The following FRAS1 variants were observed in gnomAD, a reference collection of about 807,000 sequenced individuals.
The protein encoded by FRAS1 is Fraser extracellular matrix complex subunit 1.
A neutral mutation model predicts 435.2 loss-of-function variants in FRAS1; 290 were observed. The observed-to-expected ratio is 0.67, with a 90% CI of 0.61 to 0.73. The LOEUF (loss-of-function observed/expected upper bound fraction) is 0.73. Ranked by LOEUF, FRAS1 falls within the 30% of genes least tolerant of loss-of-function variation. The probability of loss-of-function intolerance (pLI) is 0.00; values close to 1 mark genes in which losing one functional copy is unlikely to be tolerated. For synonymous variants in FRAS1, 1,800 were observed against 1,851.0 expected, an observed-to-expected ratio of 0.97 and a Z score of 0.71; for missense variants, 4,860 against 5,001.5, an observed-to-expected ratio of 0.97 and a Z score of 0.85.
At chr4:78,203,643 T>G (rs950072320) in intron 2 of FRAS1, among the ~76,000 whole-genome samples, 1 of 152,186 alleles carries the variant, frequency 6.6e-6, no homozygotes, top group Non-Finnish European at 1.5e-5. Flanking sequence ...CTCAGCTCAC[T>G]GCAACCTCCA....
intron 29 of FRAS1, among the ~76,000 whole-genome samples, chr4:78,397,681 T>C (rs1732726823): frequency 1.3e-5 from 2 of 152,230 alleles, no homozygotes; most frequent in African/African-American, 4.8e-5. Context: ...ATGGTTACTG[T>C]AAGCCTCTGC....
At chr4:78,247,651 TTTTG>T (rs572382086) in intron 4 of FRAS1, among the ~76,000 whole-genome samples, 36 of 152,078 alleles carry the variant, frequency 2.4e-4, no homozygotes, top group Non-Finnish European at 4.1e-4. Flanking sequence ...GCATCACTAG[TTTTG>T]TTTGTTTATT....
intron 36 of FRAS1, 39 bp from the exon 37 acceptor site, chr4:78,430,253 C>T (rs1488884330): frequency 7.4e-6 from 12 of 1,612,668 alleles, no homozygotes; most frequent in Admixed American, 3.3e-5. Context: ...CTTTAACATA[C>T]GCTTTCTCTC....
At chr4:78,207,909 T>A (rs1723330440) in intron 2 of FRAS1, among the ~76,000 whole-genome samples, 1 of 152,142 alleles carries the variant, frequency 6.6e-6, no homozygotes, top group Non-Finnish European at 1.5e-5. Context: ...AGGACTAGAT[T>A]GCAGCTCCCA....
intron 42 of FRAS1, chr4:78,445,917 C>T: frequency 7.5e-7 from 1 of 1,326,454 alleles, no homozygotes; most frequent in East Asian, 2.7e-5. Context: ...TCTAAATTTC[C>T]ATTTCAGGAT....
At chr4:78,381,894 AAAAT>A (rs1479572286) in intron 27 of FRAS1, among the ~76,000 whole-genome samples, 8 of 20,752 alleles carry the variant, frequency 3.9e-4, no homozygotes, top group East Asian at 1.8e-3. Flanking sequence ...AGGTATAATA[AAAAT>A]TCAGCAAAAG....
chr4:78,387,369 C>A lies in FRAS1; in HGVS notation c.3649-6C>A, dbSNP rs761698222. On this transcript the variant is annotated splice_region_variant and splice_polypyrimidine_tract_variant and intron_variant, in intron 28 of 73. Transcript: ENST00000512123. ...TAACTGACTCTTCTTCCCTTCAACT[C>A]CACAGGCCCCCTATGTGCTGAGAAA... 3.1e-6 allele frequency: 5 copies of A among 1,592,976 alleles called. No homozygotes were observed. In the South Asian group the frequency reaches 5.7e-5, roughly 18 times the overall value.
chr4:78,502,061 C>T (rs559253937), intron 61 of FRAS1, among the ~76,000 whole-genome samples: 17 of 152,186 alleles, frequency 1.1e-4, no homozygotes, highest in African/African-American at 3.4e-4. Flanking sequence ...GCCTCTGTTC[C>T]GTTCCATGGG....
intron 42 of FRAS1, chr4:78,446,428 G>A: frequency 8.7e-7 from 1 of 1,144,112 alleles, no homozygotes; most frequent in Non-Finnish European, 1.1e-6. Context: ...GTTAATACTT[G>A]TACTTGTCAA....
chr4:78,205,118 G>A (rs529802777), intron 2 of FRAS1, among the ~76,000 whole-genome samples: 4 of 151,884 alleles, frequency 2.6e-5, no homozygotes, highest in South Asian at 4.2e-4. Flanking sequence ...GGGGTGGAGC[G>A]CCACTGAAAA....
chr4:78,379,591 A>G (rs1731927345), intron 26 of FRAS1, 135 bp from the exon 27 acceptor site: 1 of 841,188 alleles, frequency 1.2e-6, no homozygotes, highest in Admixed American at 2.8e-5. Context: ...AGTGAAATCA[A>G]CTCTGTTTCT....
At chr4:78,445,785 T>C (rs1345704863) in intron 42 of FRAS1, 73 bp downstream of exon 42, 3 of 1,514,974 alleles carry the variant, frequency 2.0e-6, no homozygotes, top group East Asian at 2.4e-5. Context: ...GCTTTCTTTA[T>C]AGGGACTCAA....
At chr4:78,076,344 G>C (rs1032694558) in intron 2 of FRAS1, among the ~76,000 whole-genome samples, 2 of 152,084 alleles carry the variant, frequency 1.3e-5, no homozygotes, top group African/African-American at 4.8e-5. Context: ...TGTTCATAAT[G>C]ATCCTCCCCA....
At chr4:78,075,553 C>A (rs1335213319) in intron 2 of FRAS1, among the ~76,000 whole-genome samples, 1 of 152,088 alleles carries the variant, frequency 6.6e-6, no homozygotes, top group Non-Finnish European at 1.5e-5. Context: ...AGGGCAGCAC[C>A]ATGGTGAAGT....
At chr4:78,292,919 C>A (rs1362348906) in intron 14 of FRAS1, among the ~76,000 whole-genome samples, 2 of 152,208 alleles carry the variant, frequency 1.3e-5, no homozygotes, top group African/African-American at 4.8e-5. Context: ...TGGCATTCTA[C>A]AGCAATTATG....
In FRAS1 at chr4:78,315,471, G is replaced by T. The variant is rs1465165116; in HGVS notation, c.1679-123G>T. The T allele has an allele frequency of 3.9e-6, 4 of 1,014,780 alleles. No individual in the cohort carries two copies. The African/African-American group carries it at 6.6e-5, about 17-fold the overall frequency. 62.9% of individuals were successfully genotyped at this position (1,014,780 alleles called of 1,614,324 possible). On this transcript the variant is annotated intron_variant, in intron 15 of 73. Coordinates refer to ENST00000512123, the MANE Select transcript of FRAS1 (RefSeq NM_025074.7). ...GTTGGAATCAAGGAAACAGAATTTT[G>T]CTGAGCAGCCAGAAAATGAGATTAT...
chr4:78,307,551 C>G (rs1472950338), intron 14 of FRAS1, among the ~76,000 whole-genome samples: 1 of 152,258 alleles, frequency 6.6e-6, no homozygotes, highest in Non-Finnish European at 1.5e-5. Context: ...CGGATTTAAT[C>G]TCCTGGTGCG....
At chr4:78,400,112 G>A (rs1485568127) in intron 29 of FRAS1, among the ~76,000 whole-genome samples, 3 of 152,102 alleles carry the variant, frequency 2.0e-5, no homozygotes, top group Non-Finnish European at 4.4e-5. Flanking sequence ...CACTTAAGCT[G>A]GGCCCTCTGT....
At chr4:78,379,685 A>G in intron 26 of FRAS1, 41 bp from the exon 27 acceptor site, 1 of 1,575,902 alleles carries the variant, frequency 6.3e-7, no homozygotes, top group Non-Finnish European at 8.6e-7. Context: ...TAATTAGTGA[A>G]GGTACCATAA....
Sources: gnomAD v4.1 joint callset for allele counts (sites outside exome capture counted in the v4.1 genomes callset) on GRCh38, gnomAD v4.1.1 for gene constraint, MANE v1.5 for transcripts, NCBI Gene and HGNC (gene_info 2026-07-23, HGNC 2026-07-21) for gene names.